DSP: variants seen among roughly 807,000 people sequenced by gnomAD.
The protein encoded by DSP is desmoplakin.
DSP carries 114 observed loss-of-function variants against 290.6 expected under a neutral mutation model. The observed-to-expected ratio is 0.39, with a 90% CI of 0.34 to 0.46. DSP has a LOEUF of 0.46. Among genes scored for constraint, DSP ranks in the 20% least tolerant of loss-of-function variants. DSP has a pLI of 0.99. For missense variants in DSP, 3,230 were observed against 3,495.8 expected, an observed-to-expected ratio of 0.92 and a Z score of 1.92; for synonymous variants, 1,311 against 1,316.4, an observed-to-expected ratio of 1.00 and a Z score of 0.09.
chr6:7,541,827 C>A lies in DSP; in HGVS notation c.-89C>A, dbSNP rs905423223. On this transcript the variant is annotated 5_prime_UTR_variant, in exon 1 of 24. Coordinates refer to ENST00000379802, the MANE Select transcript of DSP (RefSeq NM_004415.4). ...ACTCCCGCCCGGTTCCCCGGCCGTC[C>A]GCCTATCCTTGGCCCCCTCCGCTTT... 2.7e-6 allele frequency: 4 copies of A among 1,468,414 alleles called. No homozygotes were observed. In the East Asian group the frequency reaches 7.7e-5, roughly 28 times the overall value. The allele number at this position is 1,468,414 out of a possible 1,614,324, so 91.0% of individuals were successfully genotyped here.
intron 19 of DSP, 85 bp from the exon 20 acceptor site, chr6:7,576,874 A>G (rs1258198708): frequency 1.7e-6 from 2 of 1,200,750 alleles, no homozygotes; most frequent in African/African-American, 3.1e-5. Flanking sequence ...AAGGGTACAA[A>G]TAACAGTGGT....
chr6:7,567,319 G>C (rs1218308872), intron 8 of DSP, 35 bp from the exon 9 acceptor site: 2 of 1,566,678 alleles, frequency 1.3e-6, no homozygotes, highest in Non-Finnish European at 1.8e-6. Context: ...GTACAACTGA[G>C]CTAGGCTAAG....
chr6:7,558,168 A>T lies in DSP; in HGVS notation c.326A>T (p.Glu109Val). The T allele has an allele frequency of 6.2e-7, 1 of 1,614,202 alleles. No individual in the cohort carries two copies. Among genetic ancestry groups the T allele is most frequent in the Non-Finnish European group, 8.5e-7 (1 of 1,180,028 alleles). ...CTGACTCGGAGTCGAGAATTGGATGAGTGTTTTGCCCAGGCCAATGACCAA... is the reference window on the plus strand; with the variant it reads ...CTGACTCGGAGTCGAGAATTGGATGTGTGTTTTGCCCAGGCCAATGACCAA... ...IQLTRSRELDECFAQANDQME... is the reference protein window; with the variant it reads ...IQLTRSRELDVCFAQANDQME... Residue 109 changes from glutamate to valine, a missense_variant, in exon 3 of 24, where the codon GAG becomes GTG. Around this residue, in one of 5 missense-constraint regions of DSP, gnomAD observed 646 missense variants for 684.3 expected, o/e 0.94. Transcript: ENST00000379802.
chr6:7,565,149 A>T lies in DSP; in HGVS notation c.778-210A>T, dbSNP rs1189423538. Among the ~76,000 whole-genome samples the T allele has an allele frequency of 6.8e-6, 1 of 146,444 alleles. No individual in the cohort carries two copies. Among genetic ancestry groups the T allele is most frequent in the Non-Finnish European group, 1.5e-5 (1 of 66,172 alleles). On this transcript the variant is annotated intron_variant, in intron 6 of 23. Transcript: ENST00000379802. The surrounding 1 kb of genome is among the most constrained non-coding windows in gnomAD (Gnocchi z 4.2). The stretch of plus-strand genomic sequence containing the variant: ...GGAGACGAGAGCGACAGTCCGTCTC[A>T]AAAAAAAAAAAGTTGCTGCCTTCTT...
At position 7,575,418 on chromosome 6, in the gene DSP, G is replaced by A. The variant is rs1554107628; in HGVS notation, c.2560G>A (p.Gly854Ser). 1 of 1,614,110 alleles carries A rather than the reference G, an allele frequency of 6.2e-7. No individual in the cohort carries two copies. The highest frequency in any genetic ancestry group is 8.5e-7 in the Non-Finnish European group (1 of 1,180,024). ...GTATCCACTTTATGATCTGGACTTG[G>A]GCAAGTTCGGTGAAAAAGTCACACA... The part of the protein sequence containing the change: ...QQYPLYDLDL[G>S]KFGEKVTQLT... Residue 854 changes from glycine (G) to serine (S), a missense_variant, in exon 18 of 24, where the codon GGC (glycine) becomes AGC (serine). By Grantham distance (56) the Gly-to-Ser change is moderately conservative. This residue lies in a region of DSP where 1,714 missense variants were observed against 1,844.5 expected (regional missense o/e 0.93). Transcript: ENST00000379802.
Position 7,585,649 on chromosome 6 carries a change from A to T in DSP, c.8387A>T (p.Asp2796Val), listed in dbSNP as rs888716643. 7 of 1,614,214 alleles carry T rather than the reference A, an allele frequency of 4.3e-6. No homozygotes were observed. Among genetic ancestry groups the T allele is most frequent in the Non-Finnish European group, 5.9e-6 (7 of 1,180,046 alleles). The change falls in exon 24 of 24, where the codon GAT becomes GTT. Residue 2796 changes from aspartate (D) to valine (V), a missense_variant. Around this residue, in one of 5 missense-constraint regions of DSP, gnomAD observed 582 missense variants for 555.4 expected, o/e 1.05. Transcript: ENST00000379802. ...GCCATAAATCGCTCCATGGTAGAAG[A>T]TATCACTGGGCTGCGCCTTCTGGAA... The part of the protein sequence containing the change: ...KDAINRSMVE[D>V]ITGLRLLEAA...
At chr6:7,553,084 A>G (rs528399157) in intron 1 of DSP, among the ~76,000 whole-genome samples, 76 of 152,224 alleles carry the variant, frequency 5.0e-4, no homozygotes, top group Non-Finnish European at 8.7e-4. Flanking sequence ...GAAAAGTTAC[A>G]AAATAGTACA....
chr6:7,559,579 T>G (rs1758619852), intron 4 of DSP, among the ~76,000 whole-genome samples, 179 bp downstream of exon 4: 1 of 152,232 alleles, frequency 6.6e-6, no homozygotes, highest in East Asian at 1.9e-4. Context: ...TTGGAATGAA[T>G]GAGATTTCAG....
intron 22 of DSP, among the ~76,000 whole-genome samples, chr6:7,578,878 A>T (rs1759328512): frequency 6.6e-6 from 1 of 152,194 alleles, no homozygotes; most frequent in African/African-American, 2.4e-5. Context: ...GTATATTTGA[A>T]TTTTTTATAT....
intron 4 of DSP, 99 bp from the exon 5 acceptor site, chr6:7,562,553 T>C: frequency 6.3e-7 from 1 of 1,590,028 alleles, no homozygotes. Flanking sequence ...TATTTACATC[T>C]TTGGTTCTAT....
chr6:7,585,419 G>A lies in DSP; in HGVS notation c.8157G>A (p.Pro2719=). Residue 2719 remains proline, a synonymous_variant, in exon 24 of 24, where the codon CCG becomes CCA. Coordinates refer to ENST00000379802, the MANE Select transcript of DSP (RefSeq NM_004415.4). ...AGGCAGTGAAAGAAAAATGGCTCCC[G>A]TATGAGGCTGGCCAGCGCTTCCTGG... ...AAEAVKEKWL[P]YEAGQRFLEF... 1.2e-6 allele frequency: 2 copies of A among 1,614,152 alleles called. No homozygotes were observed. Among genetic ancestry groups the A allele is most frequent in the Non-Finnish European group, 1.7e-6 (2 of 1,180,028 alleles).
rs758329484 is a variant in DSP at position 7,565,130 on chromosome 6, G to A, written c.778-229G>A. Among the ~76,000 whole-genome samples, 5 of 151,962 alleles carry A rather than the reference G, an allele frequency of 3.3e-5. No homozygotes were observed. Among genetic ancestry groups the A allele is most frequent in the South Asian group, 4.2e-4 (2 of 4,812 alleles). On this transcript the variant is annotated intron_variant, in intron 6 of 23. Transcript: ENST00000379802. The surrounding 1 kb of genome is among the most constrained non-coding windows in gnomAD (Gnocchi z 4.2). ...GCCACTGCACTCCAGCCTGGGAGAC[G>A]AGAGCGACAGTCCGTCTCAAAAAAA...
Position 7,576,135 on chromosome 6 carries a change from G to A in DSP, c.2631-159G>A, listed in dbSNP as rs2806232. 0.28 allele frequency among the ~76,000 whole-genome samples: 42,095 copies of A among 152,048 alleles called. 6,574 individuals carry two copies. The highest frequency in any genetic ancestry group is 0.41 in the Middle Eastern group (120 of 294). ...CCTGAGTTGTTTCCAGTTTTTGGCT[G>A]TGATAAAAAGTGCTGCTATGAACAT... On this transcript the variant is annotated intron_variant, in intron 18 of 23. Coordinates refer to ENST00000379802, the MANE Select transcript of DSP (RefSeq NM_004415.4).
At position 7,579,272 on chromosome 6, in the gene DSP, C is replaced by T. The variant is rs774460752; in HGVS notation, c.3085-3C>T. 2.5e-6 allele frequency: 4 copies of T among 1,613,882 alleles called. No individual in the cohort carries two copies. Among genetic ancestry groups the T allele is most frequent in the Non-Finnish European group, 3.4e-6 (4 of 1,179,984 alleles). Reference sequence around the variant, plus strand: ...TGACATAATCTCTGATTTCATTCCACAGCTGAAAAATACCAAGATCGAAGT... The same window carrying T: ...TGACATAATCTCTGATTTCATTCCATAGCTGAAAAATACCAAGATCGAAGT... On this transcript the variant is annotated splice_region_variant and splice_polypyrimidine_tract_variant and intron_variant, in intron 22 of 23. Transcript: ENST00000379802. This position sits in a 1 kb window ranked among gnomAD's most constrained non-coding sequence, Gnocchi z 4.1.
At chr6:7,558,451 A>G (rs2757628) in intron 3 of DSP, among the ~76,000 whole-genome samples, 187 bp downstream of exon 3, 8 of 150,496 alleles carry the variant, frequency 5.3e-5, no homozygotes, top group African/African-American at 1.5e-4. Flanking sequence ...ATTTCATTAT[A>G]GGTGTTAACT....
chr6:7,542,232 A>C (rs961855942), intron 1 of DSP, 147 bp downstream of exon 1: 2 of 1,138,954 alleles, frequency 1.8e-6, no homozygotes, highest in Non-Finnish European at 2.5e-6. Context: ...CCGCGCTGGG[A>C]GCAGGACCGG....
Position 7,562,822 on chromosome 6 carries a change from C to T in DSP, c.726+42C>T, listed in dbSNP as rs763855095. ...CATTTTAGAGTCTTCAAAATATCTA[C>T]CGAAGGATCGTGTAATTACTCAATC... On this transcript the variant is annotated intron_variant, in intron 5 of 23. Transcript: ENST00000379802. 2.5e-6 allele frequency: 4 copies of T among 1,612,632 alleles called. No individual in the cohort carries two copies. The South Asian group carries it at 3.3e-5, about 13-fold the overall frequency.
At chr6:7,555,215 G>A (rs1473683431) in intron 1 of DSP, among the ~76,000 whole-genome samples, 2 of 152,080 alleles carry the variant, frequency 1.3e-5, no homozygotes, top group Admixed American at 1.3e-4. Flanking sequence ...ACCTGGGAGG[G>A]GAAAACTTGC....
chr6:7,571,627 C>G (rs1225563808), intron 14 of DSP, 43 bp downstream of exon 14: 1 of 1,610,982 alleles, frequency 6.2e-7, no homozygotes, highest in Non-Finnish European at 8.5e-7. Context: ...CCATCCATAC[C>G]ATTTTAAAAA....
Sources: allele counts gnomAD v4.1 joint callset (sites outside exome capture counted in the v4.1 genomes callset), GRCh38; gene constraint gnomAD v4.1.1; regional missense constraint gnomAD v4.1.1; non-coding constraint Gnocchi (gnomAD v3.1); transcripts MANE v1.5; gene names NCBI Gene and HGNC (gene_info 2026-07-23, HGNC 2026-07-21).